The following SRSF12 variants were observed in gnomAD, a reference collection of about 807,000 sequenced individuals.
SRSF12 encodes serine/arginine-rich splicing factor 12.
A neutral mutation model predicts 34.1 loss-of-function variants in SRSF12; 21 were observed. That is an observed-to-expected ratio of 0.62 (90% CI 0.44 to 0.89). The LOEUF is 0.89. SRSF12 is among the 40% of genes least tolerant of loss of function. The pLI, the probability that SRSF12 is intolerant of heterozygous loss-of-function variation, is 0.00. For missense variants in SRSF12, 278 were observed against 327.8 expected, an observed-to-expected ratio of 0.85 and a Z score of 1.17; for synonymous variants, 111 against 110.8, an observed-to-expected ratio of 1.00 and a Z score of -0.01.
chr6:89,112,456 T>C (rs1562207408), intron 1 of SRSF12, among the ~76,000 whole-genome samples: 1 of 150,376 alleles, frequency 6.6e-6, no homozygotes, highest in Non-Finnish European at 1.5e-5. Context: ...TCTTTTTTTT[T>C]TTTTTTTGGA....
At chr6:89,105,312 A>G (rs560670474) in intron 3 of SRSF12, 52 bp from the exon 4 acceptor site, 2 of 1,575,024 alleles carry the variant, frequency 1.3e-6, no homozygotes, top group East Asian at 4.5e-5. Flanking sequence ...TGAACACCAC[A>G]GTAACAACCA....
chr6:89,097,570 T>A lies in SRSF12; in HGVS notation c.*1008A>T, dbSNP rs1292657074. On this transcript the variant is annotated 3_prime_UTR_variant, in exon 5 of 5. Coordinates refer to ENST00000452027, the MANE Select transcript of SRSF12 (RefSeq NM_080743.5). The stretch of plus-strand genomic sequence containing the variant: ...GATTTCACCATGTTGCCCAGGCTGG[T>A]CTCAATCTCCTGGCCTCAAGCAATC... 2 of 151,854 alleles carry A rather than the reference T, an allele frequency of 1.3e-5. No homozygotes were observed. The highest frequency in any genetic ancestry group is 2.9e-5 in the Non-Finnish European group (2 of 67,934). The allele number at this position is 151,854 out of a possible 1,614,324, so 9.4% of individuals were successfully genotyped here.
chr6:89,108,020 T>G (rs1768876201), intron 1 of SRSF12, among the ~76,000 whole-genome samples: 1 of 152,256 alleles, frequency 6.6e-6, no homozygotes, highest in African/African-American at 2.4e-5. Context: ...AATTAGATTC[T>G]AAAGAAGTCC....
Position 89,105,489 on chromosome 6 carries a change from A to AG in SRSF12, c.211dup (p.Leu71ProfsTer3). ...ACGGCCACATACCCACTTTCTATTG[A>AG]GGTTATAAAGAGCATCTTCAGCATC... On this transcript the variant is annotated frameshift_variant, in exon 3 of 5. Coordinates refer to ENST00000452027, the MANE Select transcript of SRSF12 (RefSeq NM_080743.5). LOFTEE classifies it high-confidence loss of function. 1.2e-6 allele frequency: 2 copies of AG among 1,610,428 alleles called. No homozygotes were observed. The highest frequency in any genetic ancestry group is 1.7e-6 in the Non-Finnish European group (2 of 1,178,672).
chr6:89,101,540 G>A (rs1246434333), intron 4 of SRSF12, among the ~76,000 whole-genome samples: 1 of 152,072 alleles, frequency 6.6e-6, no homozygotes, highest in Non-Finnish European at 1.5e-5. Context: ...TGGCCAACAT[G>A]GAGAAACTCC....
At chr6:89,100,749 T>C (rs1768502768) in intron 4 of SRSF12, among the ~76,000 whole-genome samples, 1 of 152,030 alleles carries the variant, frequency 6.6e-6, no homozygotes, top group Non-Finnish European at 1.5e-5. Context: ...AAACTAAAAA[T>C]ATATGATATC....
rs1440885595 is a variant in SRSF12 at position 89,117,914 on chromosome 6, C to T, written c.-27G>A. 3.2e-6 allele frequency: 5 copies of T among 1,552,328 alleles called. No individual in the cohort carries two copies. Among genetic ancestry groups the T allele is most frequent in the East Asian group, 2.7e-5 (1 of 37,160 alleles). On this transcript the variant is annotated 5_prime_UTR_variant, in exon 1 of 5. Transcript: ENST00000452027. ...ACCGCTTCCTCCGTTCCCTCCGGGT[C>T]TGCCCGCGGCCGCTGGACTCGCTCC...
intron 4 of SRSF12, among the ~76,000 whole-genome samples, chr6:89,101,697 C>CAA (rs57710136): frequency 6.7e-5 from 10 of 150,002 alleles, no homozygotes; most frequent in African/African-American, 2.5e-4. Flanking sequence ...GACTCTGTCT[C>CAA]AAAAAAAAAT....
rs1768284947 is a variant in SRSF12, at chr6:89,096,263, CCA to C, written c.*2313_*2314del. On this transcript the variant is annotated 3_prime_UTR_variant, in exon 5 of 5. Transcript: ENST00000452027. The stretch of plus-strand genomic sequence containing the variant: ...GCAGTCAGGAAGAGGACTCTGAAGC[CCA>C]GTCACTCCACAGATCCAAAGTTTAT... 2 of 152,152 alleles carry C rather than the reference CCA, an allele frequency of 1.3e-5. No individual in the cohort carries two copies. The highest frequency in any genetic ancestry group is 1.3e-4 in the Admixed American group (2 of 15,272). 9.4% of individuals were successfully genotyped at this position (152,152 alleles called of 1,614,324 possible).
At chr6:89,116,318 G>GT (rs1399924068) in intron 1 of SRSF12, among the ~76,000 whole-genome samples, 1 of 152,072 alleles carries the variant, frequency 6.6e-6, no homozygotes, top group Non-Finnish European at 1.5e-5. Context: ...CAACTGCAAG[G>GT]TTTTTTAATT....
chr6:89,106,734 T>C (rs1768806344), intron 2 of SRSF12: 1 of 303,272 alleles, frequency 3.3e-6, no homozygotes, highest in South Asian at 3.0e-5. Flanking sequence ...GCTTGCAAGA[T>C]GGACTTTATA....
chr6:89,109,245 TATG>T (rs889715137), intron 1 of SRSF12, among the ~76,000 whole-genome samples: 21 of 152,208 alleles, frequency 1.4e-4, no homozygotes, highest in African/African-American at 5.1e-4. Flanking sequence ...GAGGCCCAGT[TATG>T]TTTAATTTTT....
intron 4 of SRSF12, among the ~76,000 whole-genome samples, chr6:89,104,288 G>C (rs1293624563): frequency 1.4e-5 from 2 of 147,242 alleles, no homozygotes; most frequent in African/African-American, 5.1e-5. Context: ...TCAGGCTGGA[G>C]TGCAATGGCG....
At position 89,096,105 on chromosome 6, in the gene SRSF12, G is replaced by A. The variant is rs1411154434; in HGVS notation, c.*2473C>T. 1.3e-5 allele frequency: 2 copies of A among 152,170 alleles called. No homozygotes were observed. Among genetic ancestry groups the A allele is most frequent in the East Asian group, 3.8e-4 (2 of 5,204 alleles). 9.4% of individuals were successfully genotyped at this position (152,170 alleles called of 1,614,324 possible). On this transcript the variant is annotated 3_prime_UTR_variant, in exon 5 of 5. Coordinates refer to ENST00000452027, the MANE Select transcript of SRSF12 (RefSeq NM_080743.5). ...TACCCAGCCAAACAATTTTCACCTA[G>A]TCACAAAAGTCATTTTCATCGAAGC...
At position 89,098,339 on chromosome 6, in the gene SRSF12, T is replaced by G. The variant is rs1768351881; in HGVS notation, c.*239A>C. On this transcript the variant is annotated 3_prime_UTR_variant, in exon 5 of 5. Transcript: ENST00000452027. ...CTTGAAAAGTACCCTTCTGCCACAATGTAAATAAAAAATGGTCCATAAAAT... is the reference window on the plus strand; with the variant it reads ...CTTGAAAAGTACCCTTCTGCCACAAGGTAAATAAAAAATGGTCCATAAAAT... The G allele has an allele frequency of 1.3e-5, 5 of 374,412 alleles. No individual in the cohort carries two copies. In the South Asian group the frequency reaches 1.5e-4, roughly 12 times the overall value. 23.2% of individuals were successfully genotyped at this position (374,412 alleles called of 1,614,324 possible). A position where few individuals can be genotyped will look rare whatever the true frequency, so the allele number is the denominator to read the frequency against.
In SRSF12 at chr6:89,098,725, A is replaced by G. The variant is rs1016310097; in HGVS notation, c.639T>C (p.His213=). 2.5e-6 allele frequency: 4 copies of G among 1,613,946 alleles called. No individual in the cohort carries two copies. The Admixed American group carries it at 5.0e-5, about 20-fold the overall frequency. The part of the protein sequence containing the change: ...QTSSGTKSRS[H]GRHSDSIARS... Reference sequence around the variant, plus strand: ...TTGCTATTGAGTCAGAATGTCTTCCATGTGATCTTGATTTTGTTCCTGAGC... The same window carrying G: ...TTGCTATTGAGTCAGAATGTCTTCCGTGTGATCTTGATTTTGTTCCTGAGC... The change falls in exon 5 of 5, where the codon CAT becomes CAC. Residue 213 remains histidine (H), a synonymous_variant. Coordinates refer to ENST00000452027, the MANE Select transcript of SRSF12 (RefSeq NM_080743.5).
chr6:89,116,851 C>T (rs112447927), intron 1 of SRSF12, among the ~76,000 whole-genome samples: 1,845 of 152,080 alleles, frequency 0.012, 25 homozygotes, highest in Non-Finnish European at 0.015. Flanking sequence ...TAATACTCAT[C>T]TCAGATGACT....
chr6:89,102,898 T>C (rs547283993), intron 4 of SRSF12, among the ~76,000 whole-genome samples: 22 of 152,232 alleles, frequency 1.4e-4, no homozygotes, highest in African/African-American at 4.8e-4. Flanking sequence ...TCCCAGTAGC[T>C]GGAACAGGTG....
intron 1 of SRSF12, 145 bp downstream of exon 1, chr6:89,117,678 C>T: frequency 2.6e-6 from 2 of 760,678 alleles, no homozygotes; most frequent in Non-Finnish European, 3.8e-6. Context: ...CGAGGGCTCA[C>T]ACCTCCCCAA....
Sources: gnomAD v4.1 joint callset for allele counts (sites outside exome capture counted in the v4.1 genomes callset) on GRCh38, gnomAD v4.1.1 for gene constraint, MANE v1.5 for transcripts, NCBI Gene and HGNC (gene_info 2026-07-23, HGNC 2026-07-21) for gene names.